The following VIT variants were observed in gnomAD, a reference collection of about 807,000 sequenced individuals.
The protein encoded by VIT is vitrin.
VIT carries 99 observed loss-of-function variants against 78.0 expected under a neutral mutation model. The ratio of observed to expected loss-of-function variants is 1.27; its 90% CI spans 1.08 to 1.50. VIT has a LOEUF of 1.50. VIT is among the 40% of genes most tolerant of loss of function. The pLI, the probability that VIT is intolerant of heterozygous loss-of-function variation, is 0.00. For missense variants in VIT, 1,126 were observed against 875.3 expected, an observed-to-expected ratio of 1.29 and a Z score of -3.61; for synonymous variants, 374 against 334.3, an observed-to-expected ratio of 1.12 and a Z score of -1.29.
intron 1 of VIT, among the ~76,000 whole-genome samples, chr2:36,713,486 A>G (rs1665933647): frequency 1.3e-5 from 2 of 152,224 alleles, no homozygotes; most frequent in African/African-American, 4.8e-5. Context: ...ACGGGGAGCC[A>G]CTGTGGAGTG....
intron 2 of VIT, among the ~76,000 whole-genome samples, chr2:36,719,063 C>T (rs965398842): frequency 2.0e-5 from 3 of 152,218 alleles, no homozygotes; most frequent in African/African-American, 7.2e-5. Context: ...TTCCCAGCAT[C>T]ACAGAACCAA....
Position 36,808,842 on chromosome 2 carries a change from C to A in VIT, c.1760C>A (p.Thr587Asn), listed in dbSNP as rs747073340. ...AGGGTGGGCTACTGGAGTGGTGGCA[C>A]CAGCACGGGGGCTGCCATCAACTTC... ...IKRVGYWSGG[T>N]STGAAINFAL... The change falls in exon 15 of 16, where the codon ACC (threonine) becomes AAC (asparagine). Residue 587 changes from threonine to asparagine, a missense_variant. Transcript: ENST00000379242. The A allele has an allele frequency of 3.1e-6, 5 of 1,614,182 alleles. No homozygotes were observed. The highest frequency in any genetic ancestry group is 1.7e-6 in the Non-Finnish European group (2 of 1,180,030).
At chr2:36,776,810 G>A (rs1391957303) in intron 9 of VIT, among the ~76,000 whole-genome samples, 1 of 150,646 alleles carries the variant, frequency 6.6e-6, no homozygotes, top group Non-Finnish European at 1.5e-5. Context: ...AAATAAAATG[G>A]CCTGGCGCGG....
chr2:36,787,086 G>T, intron 11 of VIT, 43 bp from the exon 12 acceptor site: 1 of 1,610,278 alleles, frequency 6.2e-7, no homozygotes, highest in South Asian at 1.1e-5. Context: ...GGTAAATGCA[G>T]TGAGAGATCA....
chr2:36,801,415 C>A lies in VIT; in HGVS notation c.1162+11C>A, dbSNP rs753700175. ...GACTTTCTAATGTAGGTATGTGATCCGGATTCAAATTATACTATCTTGCTA... is the reference window on the plus strand; with the variant it reads ...GACTTTCTAATGTAGGTATGTGATCAGGATTCAAATTATACTATCTTGCTA... On this transcript the variant is annotated intron_variant, in intron 13 of 15. Coordinates refer to ENST00000379242, the MANE Select transcript of VIT (RefSeq NM_053276.4). The A allele has an allele frequency of 6.3e-7, 1 of 1,591,946 alleles. No individual in the cohort carries two copies. The highest frequency in any genetic ancestry group is 8.6e-7 in the Non-Finnish European group (1 of 1,160,622).
At chr2:36,801,191 G>A in intron 12 of VIT, 110 bp from the exon 13 acceptor site, 1 of 977,076 alleles carries the variant, frequency 1.0e-6, no homozygotes, top group East Asian at 2.4e-5. Context: ...CATAGCAGAA[G>A]GCTTTGAAGC....
intron 8 of VIT, chr2:36,774,615 C>G: frequency 8.1e-6 from 8 of 985,414 alleles, no homozygotes; most frequent in Non-Finnish European, 9.6e-6. Context: ...TGGATAGGAA[C>G]AGGGGCCCAA....
chr2:36,747,389 G>A (rs1668202032), intron 4 of VIT, among the ~76,000 whole-genome samples: 1 of 152,176 alleles, frequency 6.6e-6, no homozygotes, highest in Non-Finnish European at 1.5e-5. Flanking sequence ...CACTGTCAGT[G>A]GAGTGTTGAA....
chr2:36,787,076 G>A, intron 11 of VIT, 53 bp from the exon 12 acceptor site: 2 of 1,605,198 alleles, frequency 1.2e-6, no homozygotes, highest in South Asian at 2.2e-5. Context: ...AGGATGCCCA[G>A]GTAAATGCAG....
At position 36,808,717 on chromosome 2, in the gene VIT, G is replaced by A. The variant is rs887704550; in HGVS notation, c.1635G>A (p.Thr545=). Residue 545 remains threonine (T), a synonymous_variant, in exon 15 of 16, where the codon ACG becomes ACA. Transcript: ENST00000379242. The stretch of plus-strand genomic sequence containing the variant: ...CCAAAGAGTTTGAGATTTCCGACAC[G>A]GACACGCGCATCGGGGCCGTGCAGT... ...NLTKEFEISD[T]DTRIGAVQYT... 5 of 1,614,100 alleles carry A rather than the reference G, an allele frequency of 3.1e-6. No homozygotes were observed. In the African/African-American group the frequency reaches 4.0e-5, roughly 13 times the overall value.
At chr2:36,773,320 C>CTTT (rs11464270) in intron 7 of VIT, among the ~76,000 whole-genome samples, 20 of 145,788 alleles carry the variant, frequency 1.4e-4, no homozygotes, top group African/African-American at 4.5e-4. Flanking sequence ...GTTAAATACT[C>CTTT]TTTTTTTTTT....
intron 14 of VIT, among the ~76,000 whole-genome samples, 189 bp from the exon 15 acceptor site, chr2:36,808,283 C>T (rs770126396): frequency 8.5e-5 from 13 of 152,222 alleles, no homozygotes; most frequent in Middle Eastern, 3.2e-3. Flanking sequence ...CTGAGTCCAG[C>T]GATAACCCGG....
chr2:36,803,917 G>A (rs1029442949), intron 13 of VIT, among the ~76,000 whole-genome samples: 5 of 152,104 alleles, frequency 3.3e-5, no homozygotes, highest in Admixed American at 2.6e-4. Flanking sequence ...AGTGCCCTGG[G>A]GTTCACAGAG....
At chr2:36,778,385 G>A (rs1033247808) in intron 9 of VIT, among the ~76,000 whole-genome samples, 17 of 152,236 alleles carry the variant, frequency 1.1e-4, no homozygotes, top group African/African-American at 4.1e-4. Flanking sequence ...AGGGGTGGTG[G>A]GCTCCTGATA....
intron 9 of VIT, among the ~76,000 whole-genome samples, chr2:36,776,352 A>G (rs1670043864): frequency 6.6e-6 from 1 of 152,220 alleles, no homozygotes; most frequent in Non-Finnish European, 1.5e-5. Flanking sequence ...TGACTGCAGG[A>G]GCTGATAACA....
intron 6 of VIT, among the ~76,000 whole-genome samples, chr2:36,764,567 T>A (rs187419733): frequency 2.0e-5 from 3 of 152,358 alleles, no homozygotes; most frequent in Middle Eastern, 3.4e-3. Context: ...TGACACAGGC[T>A]ACAGGCAAAT....
At chr2:36,724,377 G>T (rs1666708626) in intron 2 of VIT, among the ~76,000 whole-genome samples, 1 of 152,176 alleles carries the variant, frequency 6.6e-6, no homozygotes, top group Non-Finnish European at 1.5e-5. Flanking sequence ...CCAGGGACTG[G>T]CTCTCAGACC....
intron 5 of VIT, among the ~76,000 whole-genome samples, chr2:36,757,357 A>C (rs888505986): frequency 6.6e-6 from 1 of 152,254 alleles, no homozygotes; most frequent in African/African-American, 2.4e-5. Flanking sequence ...TACACAGTCC[A>C]GGGATATGAA....
intron 2 of VIT, among the ~76,000 whole-genome samples, chr2:36,728,293 A>T (rs982790940): frequency 6.6e-6 from 1 of 152,192 alleles, no homozygotes; most frequent in Non-Finnish European, 1.5e-5. Flanking sequence ...TACTTAAAAA[A>T]AAGTTATAAC....
Sources: gnomAD v4.1 joint callset for allele counts (sites outside exome capture counted in the v4.1 genomes callset) on GRCh38, gnomAD v4.1.1 for gene constraint, MANE v1.5 for transcripts, NCBI Gene and HGNC (gene_info 2026-07-23, HGNC 2026-07-21) for gene names.